FAM171A1: variants seen among roughly 807,000 people sequenced by gnomAD.
FAM171A1 encodes the protein family with sequence similarity 171 member A1, also known as protein FAM171A1.
Under a neutral mutation model 74.9 loss-of-function variants are expected in FAM171A1, and 23 were observed. The ratio of observed to expected loss-of-function variants is 0.31; its 90% CI spans 0.22 to 0.44. FAM171A1 has a LOEUF of 0.44. Ranked by LOEUF, FAM171A1 falls within the 20% of genes least tolerant of loss-of-function variation. The probability of loss-of-function intolerance (pLI) is 1.00; values close to 1 mark genes in which losing one functional copy is unlikely to be tolerated. For synonymous variants in FAM171A1, 527 were observed against 505.7 expected, an observed-to-expected ratio of 1.04 and a Z score of -0.57; for missense variants, 1,162 against 1,159.2, an observed-to-expected ratio of 1.00 and a Z score of -0.03.
intron 1 of FAM171A1, among the ~76,000 whole-genome samples, chr10:15,291,124 AT>A (rs1286522353): frequency 6.6e-6 from 1 of 152,164 alleles, no homozygotes; most frequent in African/African-American, 2.4e-5. Context: ...TGATGGGATT[AT>A]AGGCATGAGC....
chr10:15,249,132 C>T (rs1182381260), intron 4 of FAM171A1, among the ~76,000 whole-genome samples: 2 of 146,106 alleles, frequency 1.4e-5, no homozygotes, highest in Non-Finnish European at 3.0e-5. Context: ...AGTCTCATTC[C>T]GTTGCCCAGG....
rs188252972 is a variant in FAM171A1, at chr10:15,343,148, C to T, written c.97+27808G>A. On this transcript the variant is annotated intron_variant, in intron 1 of 7. Coordinates refer to ENST00000378116, the MANE Select transcript of FAM171A1 (RefSeq NM_001010924.2). ...TGGGTGAGTCCTGGGCATCATGTTG[C>T]TTTAAAATGCTCCCCAGAGCCTGGA... is the stretch of plus-strand genomic sequence containing the variant. Among the ~76,000 whole-genome samples the T allele has an allele frequency of 1.6e-4, 25 of 152,318 alleles. No individual in the cohort carries two copies. In the East Asian group the frequency reaches 4.8e-3, roughly 29 times the overall value.
At chr10:15,267,019 C>T (rs955024713) in intron 3 of FAM171A1, among the ~76,000 whole-genome samples, 21 of 152,280 alleles carry the variant, frequency 1.4e-4, no homozygotes, top group Non-Finnish European at 2.4e-4. Flanking sequence ...GTAGACCCAA[C>T]GGGCAGTTTA....
At chr10:15,345,931 T>A (rs1835812975) in intron 1 of FAM171A1, among the ~76,000 whole-genome samples, 1 of 152,004 alleles carries the variant, frequency 6.6e-6, no homozygotes, top group East Asian at 1.9e-4. Flanking sequence ...GTCCGCTGGA[T>A]CTGGAGAAAC....
Position 15,336,618 on chromosome 10 carries a change from C to A in FAM171A1, c.97+34338G>T, listed in dbSNP as rs1231402896. Among the ~76,000 whole-genome samples the A allele has an allele frequency of 2.6e-5, 4 of 152,030 alleles. No individual in the cohort carries two copies. In the East Asian group the frequency reaches 7.7e-4, roughly 29 times the overall value. ...GGACTTATGATGTGGTTGTGTCTGG[C>A]CAGAAATGCTTCCTTAGAACCAAGG... On this transcript the variant is annotated intron_variant, in intron 1 of 7. Transcript: ENST00000378116.
At chr10:15,355,198 C>T (rs1835918998) in intron 1 of FAM171A1, among the ~76,000 whole-genome samples, 1 of 152,198 alleles carries the variant, frequency 6.6e-6, no homozygotes, top group Non-Finnish European at 1.5e-5. Context: ...AATTCTCCTG[C>T]CTCAGCCTCC....
intron 1 of FAM171A1, among the ~76,000 whole-genome samples, chr10:15,291,087 C>T (rs578019910): frequency 3.9e-5 from 6 of 152,228 alleles, no homozygotes; most frequent in South Asian, 2.1e-4. Flanking sequence ...TGGGCTCAGG[C>T]GATCCTCCTG....
chr10:15,303,189 C>A (rs1196183929), intron 1 of FAM171A1, among the ~76,000 whole-genome samples: 4 of 149,788 alleles, frequency 2.7e-5, no homozygotes, highest in Non-Finnish European at 4.4e-5. Context: ...AGCTCCATCT[C>A]AAAAAAAAAG....
rs1182055797 is a variant in FAM171A1 at position 15,212,980 on chromosome 10, C to A, written c.2608G>T (p.Glu870Ter). The A allele has an allele frequency of 6.2e-7, 1 of 1,613,962 alleles. No homozygotes were observed. Among genetic ancestry groups the A allele is most frequent in the Non-Finnish European group, 8.5e-7 (1 of 1,179,994 alleles). ...TTCTGCCAGGGGCTTTTCTTGTCTTCTCCTTGGTCATCATCATCATCGTCT... is the reference window on the plus strand; with the variant it reads ...TTCTGCCAGGGGCTTTTCTTGTCTTATCCTTGGTCATCATCATCATCGTCT... Reference protein sequence around the residue: ...EEDDDDDDQGEDKKSPWQKRE... With the variant: ...EEDDDDDDQG The change falls in exon 8 of 8, where the codon GAA becomes TAA. Residue 870 changes from glutamate to a stop codon, truncating the protein, a stop_gained. Transcript: ENST00000378116. LOFTEE classifies it high-confidence loss of function.
intron 1 of FAM171A1, among the ~76,000 whole-genome samples, chr10:15,327,972 G>C (rs888050201): frequency 2.0e-5 from 3 of 149,662 alleles, no homozygotes; most frequent in South Asian, 2.1e-4. Flanking sequence ...TACCTAATTA[G>C]TAATCTCGGT....
chr10:15,240,345 A>T (rs1834347902), intron 5 of FAM171A1, among the ~76,000 whole-genome samples: 1 of 147,568 alleles, frequency 6.8e-6, no homozygotes, highest in Non-Finnish European at 1.5e-5. Flanking sequence ...TGGGTGACAG[A>T]GCGAGACACC....
chr10:15,268,293 G>A (rs1834774122), intron 3 of FAM171A1, among the ~76,000 whole-genome samples: 1 of 152,090 alleles, frequency 6.6e-6, no homozygotes, highest in Non-Finnish European at 1.5e-5. Context: ...TACTGGTTTG[G>A]CAAGAGTGAA....
At chr10:15,287,219 G>A (rs1454054777) in intron 1 of FAM171A1, among the ~76,000 whole-genome samples, 1 of 150,004 alleles carries the variant, frequency 6.7e-6, no homozygotes, top group Non-Finnish European at 1.5e-5. Context: ...AGCCTCCCGA[G>A]TAGCTGGGAA....
intron 1 of FAM171A1, among the ~76,000 whole-genome samples, chr10:15,338,515 A>G (rs937709858): frequency 2.0e-5 from 3 of 152,228 alleles, no homozygotes; most frequent in Non-Finnish European, 4.4e-5. Context: ...AATTCATGAT[A>G]CAGACCTAGT....
In FAM171A1 at chr10:15,214,557, A is replaced by T. The variant is rs745602319; in HGVS notation, c.1031T>A (p.Leu344His). ...TTTGGAACTCTCCAGTCCTGCAGGG[A>T]GCTGCAGTTTTCTGTGGTGCTGACG... ...KPRQHHRKLQ[L>H]PAGLESSKRD... Residue 344 changes from leucine to histidine, a missense_variant, in exon 8 of 8, where the codon CTC becomes CAC. Coordinates refer to ENST00000378116, the MANE Select transcript of FAM171A1 (RefSeq NM_001010924.2). The T allele has an allele frequency of 1.8e-5, 29 of 1,612,818 alleles. No individual in the cohort carries two copies. The highest frequency in any genetic ancestry group is 2.2e-5 in the Non-Finnish European group (26 of 1,179,468).
intron 4 of FAM171A1, among the ~76,000 whole-genome samples, chr10:15,254,010 T>C (rs1013027744): frequency 6.6e-6 from 1 of 152,206 alleles, no homozygotes; most frequent in East Asian, 1.9e-4. Flanking sequence ...CATGCCAGAA[T>C]AGTGGTACTG....
intron 7 of FAM171A1, among the ~76,000 whole-genome samples, chr10:15,215,446 A>T (rs1192116642): frequency 6.6e-6 from 1 of 151,914 alleles, no homozygotes; most frequent in Non-Finnish European, 1.5e-5. Flanking sequence ...GCTCACTGCA[A>T]CCTCCACCTT....
chr10:15,326,527 C>T lies in FAM171A1; in HGVS notation c.98-42422G>A, dbSNP rs544904331. ...ATGGGGTTTTGCCATGTTGGTCAGG[C>T]GGTCTCGAACTCCTGACCTCAGGTG... On this transcript the variant is annotated intron_variant, in intron 1 of 7. Coordinates refer to ENST00000378116, the MANE Select transcript of FAM171A1 (RefSeq NM_001010924.2). Among the ~76,000 whole-genome samples, 22 of 151,966 alleles carry T rather than the reference C, an allele frequency of 1.4e-4. No homozygotes were observed. In the South Asian group the frequency reaches 3.7e-3, roughly 26 times the overall value.
chr10:15,223,064 G>A (rs749640677), intron 5 of FAM171A1, among the ~76,000 whole-genome samples: 4 of 152,250 alleles, frequency 2.6e-5, no homozygotes, highest in Non-Finnish European at 5.9e-5. Flanking sequence ...AAAGGGCTGG[G>A]CATGGTGGCT....
Sources: allele counts gnomAD v4.1 joint callset (sites outside exome capture counted in the v4.1 genomes callset), GRCh38; gene constraint gnomAD v4.1.1; transcripts MANE v1.5; gene names NCBI Gene and HGNC (gene_info 2026-07-23, HGNC 2026-07-21).